Variants in SIL1 observed in about 807,000 individuals in gnomAD.
SIL1 encodes SIL1 nucleotide exchange factor.
A neutral mutation model predicts 49.1 loss-of-function variants in SIL1; 40 were observed. The ratio of observed to expected loss-of-function variants is 0.81; its 90% CI spans 0.63 to 1.06. SIL1 has a LOEUF of 1.06. Among genes scored for constraint, SIL1 ranks in the 50% least tolerant of loss-of-function variants. The pLI is 0.00. For synonymous variants in SIL1, 253 were observed against 250.8 expected (o/e 1.01, Z -0.08); for missense variants, 500 against 572.6 (o/e 0.87, Z 1.29).
intron 3 of SIL1, among the ~76,000 whole-genome samples, chr5:139,113,832 G>C (rs948603533): frequency 1.1e-4 from 17 of 152,314 alleles, no homozygotes; most frequent in African/African-American, 4.1e-4. Flanking sequence ...TGAGGGCTGG[G>C]ACTATTTTGG....
chr5:139,056,682 C>T (rs1453570491), intron 3 of SIL1, among the ~76,000 whole-genome samples: 2 of 143,558 alleles, frequency 1.4e-5, no homozygotes, highest in Admixed American at 6.7e-5. Flanking sequence ...CCGCCCCGTC[C>T]GGGAGGGAGG....
intron 5 of SIL1, among the ~76,000 whole-genome samples, chr5:139,031,780 T>C (rs1264179898): frequency 1.3e-5 from 2 of 152,244 alleles, no homozygotes; most frequent in East Asian, 3.8e-4. Flanking sequence ...TTTAACTCCA[T>C]CATCATCTTT....
At chr5:139,187,990 T>G (rs1394829214) in intron 1 of SIL1, 1 of 153,030 alleles carries the variant, frequency 6.5e-6, no homozygotes, top group African/African-American at 2.4e-5. Flanking sequence ...ACGTGCCAGC[T>G]TCCCCTTCGC....
chr5:139,179,372 G>C (rs1282869994), intron 1 of SIL1, among the ~76,000 whole-genome samples: 1 of 152,172 alleles, frequency 6.6e-6, no homozygotes, highest in African/African-American at 2.4e-5. Flanking sequence ...TTACTCCTTG[G>C]ATGAAGCAGA....
chr5:138,951,063 A>G, intron 9 of SIL1, 108 bp downstream of exon 9: 1 of 1,280,334 alleles, frequency 7.8e-7, no homozygotes, highest in Non-Finnish European at 1.1e-6. Context: ...CCAGAAGCAC[A>G]CACAAAGCAA....
At chr5:139,029,837 A>C (rs1768746199) in intron 5 of SIL1, among the ~76,000 whole-genome samples, 1 of 151,368 alleles carries the variant, frequency 6.6e-6, no homozygotes. Context: ...AATTTTAGCC[A>C]GGCATGGTGA....
At chr5:139,000,747 T>G (rs1221765426) in intron 7 of SIL1, among the ~76,000 whole-genome samples, 2 of 152,026 alleles carry the variant, frequency 1.3e-5, no homozygotes, top group Non-Finnish European at 2.9e-5. Context: ...AAAAATACTT[T>G]AAAATGTCTG....
chr5:138,981,213 CAAA>C (rs35272334), intron 7 of SIL1, among the ~76,000 whole-genome samples: 36,038 of 113,732 alleles, frequency 0.32, 4,650 homozygotes, highest in Middle Eastern at 0.39. Context: ...ACTCTGTCTC[CAAA>C]AAAAAAAAAA....
chr5:139,048,518 G>A (rs1769219316), intron 4 of SIL1, among the ~76,000 whole-genome samples: 1 of 151,894 alleles, frequency 6.6e-6, no homozygotes, highest in Non-Finnish European at 1.5e-5. Flanking sequence ...TGGGACTACA[G>A]GCGTGTGCCA....
At chr5:139,051,499 C>A (rs959121478) in intron 3 of SIL1, among the ~76,000 whole-genome samples, 1 of 152,234 alleles carries the variant, frequency 6.6e-6, no homozygotes, top group Admixed American at 6.5e-5. Flanking sequence ...AGCCTGCCAT[C>A]CCAGCAAGCT....
chr5:139,090,858 A>G (rs965655025), intron 3 of SIL1, among the ~76,000 whole-genome samples: 5 of 152,070 alleles, frequency 3.3e-5, no homozygotes, highest in African/African-American at 1.2e-4. Flanking sequence ...TGCCCACCTC[A>G]GCCTCCCAAA....
intron 1 of SIL1, among the ~76,000 whole-genome samples, chr5:139,137,920 T>C (rs537973650): frequency 1.3e-5 from 2 of 149,750 alleles, no homozygotes; most frequent in East Asian, 4.0e-4. Context: ...CACACACACA[T>C]ACCACACACA....
At chr5:139,025,074 T>C (rs1403612177) in intron 6 of SIL1, among the ~76,000 whole-genome samples, 8 of 152,256 alleles carry the variant, frequency 5.3e-5, no homozygotes, top group Admixed American at 5.2e-4. Context: ...TACTTCTTTC[T>C]TATGCTTGTC....
chr5:139,031,586 A>C (rs1581044242), intron 5 of SIL1, among the ~76,000 whole-genome samples: 2 of 152,138 alleles, frequency 1.3e-5, no homozygotes, highest in Non-Finnish European at 2.9e-5. Flanking sequence ...AATTCTAGCT[A>C]TTCTAGTTCC....
intron 1 of SIL1, among the ~76,000 whole-genome samples, chr5:139,128,966 G>A (rs533454291): frequency 9.8e-5 from 15 of 152,286 alleles, no homozygotes; most frequent in African/African-American, 3.4e-4. Context: ...GGTCAACATG[G>A]CACAACCCCA....
chr5:139,145,646 G>A (rs1416369942), intron 1 of SIL1, among the ~76,000 whole-genome samples: 4 of 75,492 alleles, frequency 5.3e-5, no homozygotes, highest in Non-Finnish European at 1.2e-4. Context: ...GTGTGTGTGT[G>A]TGTGTGTGTG....
chr5:139,016,835 CCTTT>C (rs1232473335), intron 7 of SIL1: 2 of 151,972 alleles, frequency 1.3e-5, no homozygotes, highest in East Asian at 3.9e-4. Flanking sequence ...CATTTGTATT[CCTTT>C]CTGTCTACTC....
intron 7 of SIL1, among the ~76,000 whole-genome samples, chr5:138,988,494 A>AAGCCTACT (rs1767689212): frequency 6.6e-6 from 1 of 152,238 alleles, no homozygotes; most frequent in African/African-American, 2.4e-5. Context: ...TTTAAACAAT[A>AAGCCTACT]AATTTTGCCT....
At chr5:139,149,862 G>T (rs1237310882) in intron 1 of SIL1, among the ~76,000 whole-genome samples, 1 of 152,150 alleles carries the variant, frequency 6.6e-6, no homozygotes, top group Non-Finnish European at 1.5e-5. Context: ...TGATATACAA[G>T]ACCTCCTTGC....
Sources: allele counts gnomAD v4.1 joint callset (sites outside exome capture counted in the v4.1 genomes callset), GRCh38; gene constraint gnomAD v4.1.1; transcripts MANE v1.5; gene names NCBI Gene and HGNC (gene_info 2026-07-23, HGNC 2026-07-21).